Variants in SHC3 observed in about 807,000 individuals in gnomAD.
SHC3 encodes SHC adaptor protein 3.
In SHC3, 15 loss-of-function variants were observed where a neutral mutation model predicts 60.4. That is an observed-to-expected ratio of 0.25 (90% CI 0.17 to 0.38). The LOEUF (loss-of-function observed/expected upper bound fraction) is 0.38. SHC3 is among the 10% of genes least tolerant of loss of function. SHC3 has a pLI of 1.00. For synonymous variants in SHC3, 294 were observed against 325.9 expected (o/e 0.90, Z 1.05); for missense variants, 677 against 786.1 (o/e 0.86, Z 1.66).
intron 2 of SHC3, among the ~76,000 whole-genome samples, chr9:89,085,918 A>T (rs1414969476): frequency 6.6e-6 from 1 of 152,146 alleles, no homozygotes; most frequent in Non-Finnish European, 1.5e-5. Flanking sequence ...ACATTTCCAG[A>T]TTTACAGTAC....
At chr9:89,075,746 C>T (rs1825348545) in intron 3 of SHC3, among the ~76,000 whole-genome samples, 3 of 152,188 alleles carry the variant, frequency 2.0e-5, no homozygotes, top group African/African-American at 7.2e-5. Context: ...CAAACACTCT[C>T]CCTGGTCAAG....
intron 10 of SHC3, among the ~76,000 whole-genome samples, chr9:89,038,601 T>G (rs1011419560): frequency 1.3e-5 from 2 of 152,236 alleles, no homozygotes; most frequent in African/African-American, 4.8e-5. Context: ...GACTTCATTT[T>G]TGCATGCTGC....
intron 1 of SHC3, among the ~76,000 whole-genome samples, chr9:89,114,630 G>A (rs891384938): frequency 2.0e-5 from 3 of 151,938 alleles, no homozygotes; most frequent in Non-Finnish European, 4.4e-5. Context: ...TATCCTAGAG[G>A]GTCCTGAAAC....
In SHC3 at chr9:89,052,065, G is replaced by A; in HGVS notation, c.934C>T (p.Pro312Ser). The A allele has an allele frequency of 6.2e-7, 1 of 1,614,068 alleles. No individual in the cohort carries two copies. The highest frequency in any genetic ancestry group is 8.5e-7 in the Non-Finnish European group (1 of 1,179,948). ...ELRFKQYLQC[P>S]TKIPALHDRM... ...TCATGGAGAGCGGGAATCTTGGTAG[G>A]ACACTGTAAATATTGCTTAAACCGG... Residue 312 changes from proline to serine, a missense_variant, in exon 7 of 12, where the codon CCT becomes TCT. Coordinates refer to ENST00000375835, the MANE Select transcript of SHC3 (RefSeq NM_016848.6).
At chr9:89,118,217 C>A (rs1490124489) in intron 1 of SHC3, among the ~76,000 whole-genome samples, 1 of 148,876 alleles carries the variant, frequency 6.7e-6, no homozygotes, top group Non-Finnish European at 1.5e-5. Flanking sequence ...TCCGTCTCTA[C>A]CTATTTTTTT....
In SHC3 at chr9:89,152,627, T is replaced by C. The variant is rs182994951; in HGVS notation, c.474+25360A>G. On this transcript the variant is annotated intron_variant, in intron 1 of 11. Coordinates refer to ENST00000375835, the MANE Select transcript of SHC3 (RefSeq NM_016848.6). ...ATAACATGGCACATCCGTCTGATAT[T>C]GGCATTGGAATAATGTGAAGTTCCA... Among the ~76,000 whole-genome samples the C allele has an allele frequency of 1.2e-3, 189 of 152,360 alleles. 1 individual carries two copies. Among genetic ancestry groups the C allele is most frequent in the African/African-American group, 4.0e-3 (166 of 41,584 alleles).
chr9:89,031,812 A>G (rs1249675337), intron 11 of SHC3, among the ~76,000 whole-genome samples: 1 of 152,190 alleles, frequency 6.6e-6, no homozygotes, highest in East Asian at 1.9e-4. Flanking sequence ...TCAGTCTTAC[A>G]TTGATAAAAA....
intron 1 of SHC3, among the ~76,000 whole-genome samples, chr9:89,145,002 T>C (rs1227607128): frequency 1.3e-5 from 2 of 152,202 alleles, no homozygotes; most frequent in African/African-American, 4.8e-5. Context: ...ATGTATATCA[T>C]GATGGAGAGA....
intron 1 of SHC3, among the ~76,000 whole-genome samples, chr9:89,121,009 A>G (rs1826085428): frequency 6.6e-6 from 1 of 152,178 alleles, no homozygotes; most frequent in African/African-American, 2.4e-5. Context: ...CACTTTACAC[A>G]ATAAAGTAGG....
chr9:89,045,471 G>T (rs971712793), intron 9 of SHC3, among the ~76,000 whole-genome samples: 1 of 152,010 alleles, frequency 6.6e-6, no homozygotes, highest in African/African-American at 2.4e-5. Context: ...TAGAGTTGGG[G>T]TTTCACCATG....
chr9:89,092,338 C>A (rs1330752294), intron 2 of SHC3, among the ~76,000 whole-genome samples: 1 of 152,144 alleles, frequency 6.6e-6, no homozygotes, highest in Admixed American at 6.5e-5. Context: ...TCAGGTTTGG[C>A]CTGGCGCAGC....
chr9:89,067,955 T>C (rs2117985597), intron 5 of SHC3, among the ~76,000 whole-genome samples: 1 of 152,326 alleles, frequency 6.6e-6, no homozygotes, highest in East Asian at 1.9e-4. Flanking sequence ...ACAAGGAATA[T>C]ATTTTTTTAC....
intron 2 of SHC3, chr9:89,109,016 TTC>T (rs1317988270): frequency 6.1e-6 from 6 of 976,640 alleles, no homozygotes; most frequent in Non-Finnish European, 7.3e-6. Context: ...ACTTCTGACA[TTC>T]TCTGAGGTTC....
intron 1 of SHC3, among the ~76,000 whole-genome samples, chr9:89,156,687 C>A (rs1300237962): frequency 2.0e-5 from 3 of 152,126 alleles, no homozygotes; most frequent in Non-Finnish European, 2.9e-5. Context: ...CTAGACCCCA[C>A]CAAATGGAGC....
At chr9:89,109,784 G>C in intron 2 of SHC3, 2 of 985,406 alleles carry the variant, frequency 2.0e-6, no homozygotes, top group Middle Eastern at 5.2e-4. Flanking sequence ...TTGCTCTTTT[G>C]TTCAGACTCA....
chr9:89,023,228 G>T (rs1033398123), intron 11 of SHC3, among the ~76,000 whole-genome samples: 2 of 152,240 alleles, frequency 1.3e-5, no homozygotes, highest in African/African-American at 4.8e-5. Flanking sequence ...TCTGAGGCCA[G>T]CTTGATAAGC....
chr9:89,148,934 A>T (rs1439001028), intron 1 of SHC3, among the ~76,000 whole-genome samples: 1 of 152,228 alleles, frequency 6.6e-6, no homozygotes, highest in Non-Finnish European at 1.5e-5. Context: ...TTTTAGTAAG[A>T]AAAGAATAGA....
At chr9:89,071,398 T>G in intron 4 of SHC3, 146 bp from the exon 5 acceptor site, 1 of 751,484 alleles carries the variant, frequency 1.3e-6, no homozygotes, top group East Asian at 2.7e-5. Context: ...ATAAAAGTAA[T>G]AGCAATAGAT....
intron 2 of SHC3, chr9:89,108,912 C>A: frequency 2.6e-6 from 1 of 380,988 alleles, no homozygotes; most frequent in Non-Finnish European, 3.6e-6. Context: ...ACCAAAAAAT[C>A]TGAACAAAAA....
Sources: allele counts gnomAD v4.1 joint callset (sites outside exome capture counted in the v4.1 genomes callset), GRCh38; gene constraint gnomAD v4.1.1; transcripts MANE v1.5; gene names NCBI Gene and HGNC (gene_info 2026-07-23, HGNC 2026-07-21).